The following RALYL variants were observed in gnomAD, a reference collection of about 807,000 sequenced individuals.
RALYL encodes RNA-binding Raly-like protein.
RALYL carries 29 observed loss-of-function variants against 35.1 expected under a neutral mutation model. The ratio of observed to expected loss-of-function variants is 0.83; its 90% confidence interval spans 0.61 to 1.13. RALYL has a LOEUF of 1.13. RALYL is among the 50% of genes most tolerant of loss of function. The pLI is 0.00. For missense variants in RALYL, 359 were observed against 360.4 expected, an observed-to-expected ratio of 1.00 and a Z score of 0.03; for synonymous variants, 120 against 127.6, an observed-to-expected ratio of 0.94 and a Z score of 0.40.
chr8:84,583,693 G>A, intron 2 of RALYL, among the ~76,000 whole-genome samples: 1 of 152,104 alleles, frequency 6.6e-6, no homozygotes, highest in East Asian at 1.9e-4. Flanking sequence ...GAGTGAAGGA[G>A]ACATCCCTGC....
At chr8:84,305,080 TAC>T (rs549467974) in intron 1 of RALYL, among the ~76,000 whole-genome samples, 9 of 152,266 alleles carry the variant, frequency 5.9e-5, no homozygotes, top group Non-Finnish European at 8.8e-5. Context: ...TAAAATAGAA[TAC>T]AGTTTTATTT....
intron 1 of RALYL, among the ~76,000 whole-genome samples, chr8:84,521,448 A>G (rs2058452523): frequency 6.6e-6 from 1 of 152,190 alleles, no homozygotes; most frequent in Non-Finnish European, 1.5e-5. Flanking sequence ...TCCATTGGTT[A>G]TTTATTCTCT....
intron 1 of RALYL, among the ~76,000 whole-genome samples, chr8:84,486,877 G>A (rs2054686660): frequency 6.6e-6 from 1 of 152,040 alleles, no homozygotes; most frequent in African/African-American, 2.4e-5. Context: ...GTACTCTACA[G>A]AATTGTTAAT....
At chr8:84,691,910 T>C (rs1402232593) in intron 2 of RALYL, among the ~76,000 whole-genome samples, 1 of 152,068 alleles carries the variant, frequency 6.6e-6, no homozygotes, top group Admixed American at 6.6e-5. Context: ...CATGATCACA[T>C]TGGGTTTATT....
chr8:84,519,218 TAC>T (rs1377554223), intron 1 of RALYL, among the ~76,000 whole-genome samples: 1 of 152,238 alleles, frequency 6.6e-6, no homozygotes, highest in Non-Finnish European at 1.5e-5. Context: ...ATATGTCATA[TAC>T]TCTATTTTAC....
intron 1 of RALYL, among the ~76,000 whole-genome samples, chr8:84,435,735 C>T (rs749999441): frequency 1.3e-5 from 2 of 152,096 alleles, no homozygotes; most frequent in Non-Finnish European, 2.9e-5. Flanking sequence ...TAAGGCCAGC[C>T]TCTCTTTCCT....
At chr8:84,499,420 G>A (rs1005282557) in intron 1 of RALYL, among the ~76,000 whole-genome samples, 1 of 152,088 alleles carries the variant, frequency 6.6e-6, no homozygotes, top group Non-Finnish European at 1.5e-5. Flanking sequence ...AACAAAATGG[G>A]AAACATCGAA....
chr8:84,891,471 G>A (rs955575274), intron 8 of RALYL, among the ~76,000 whole-genome samples: 3 of 152,152 alleles, frequency 2.0e-5, no homozygotes, highest in African/African-American at 7.2e-5. Flanking sequence ...TAACCATACA[G>A]TCATGGCAAT....
intron 1 of RALYL, among the ~76,000 whole-genome samples, chr8:84,502,011 T>C (rs1386147128): frequency 6.6e-6 from 1 of 151,650 alleles, no homozygotes; most frequent in African/African-American, 2.4e-5. Context: ...AAGGTGTAGA[T>C]TTTTTTCACA....
intron 4 of RALYL, among the ~76,000 whole-genome samples, chr8:84,839,145 G>A (rs1832651075): frequency 6.6e-6 from 1 of 152,184 alleles, no homozygotes; most frequent in Non-Finnish European, 1.5e-5. Context: ...GCAGCGCACT[G>A]AGTGTGAGCC....
chr8:84,537,563 G>C (rs1014944522), intron 2 of RALYL, among the ~76,000 whole-genome samples: 10 of 151,562 alleles, frequency 6.6e-5, no homozygotes, highest in African/African-American at 2.4e-4. Flanking sequence ...TTACTTACGA[G>C]ATGGTATTCA....
intron 1 of RALYL, among the ~76,000 whole-genome samples, chr8:84,453,898 T>C (rs999805635): frequency 8.6e-5 from 13 of 151,972 alleles, no homozygotes; most frequent in Non-Finnish European, 1.5e-5. Context: ...TTTGCAAAAT[T>C]GGGTACTATT....
At chr8:84,579,003 C>T (rs1334540867) in intron 2 of RALYL, among the ~76,000 whole-genome samples, 1 of 152,180 alleles carries the variant, frequency 6.6e-6, no homozygotes, top group African/African-American at 2.4e-5. Context: ...GGGGCTTCAC[C>T]AGGGACCACC....
intron 4 of RALYL, among the ~76,000 whole-genome samples, chr8:84,835,809 GT>G (rs1831904211): frequency 6.6e-6 from 1 of 151,848 alleles, no homozygotes; most frequent in East Asian, 1.9e-4. Flanking sequence ...GCAAAAGATT[GT>G]GTCAAGATAC....
intron 1 of RALYL, among the ~76,000 whole-genome samples, chr8:84,207,548 T>G (rs561460702): frequency 6.6e-6 from 1 of 151,852 alleles, no homozygotes; most frequent in African/African-American, 2.4e-5. Flanking sequence ...AGAATCATGG[T>G]TGCTTGGGAA....
At chr8:84,502,570 T>TA in intron 1 of RALYL, among the ~76,000 whole-genome samples, 1 of 152,176 alleles carries the variant, frequency 6.6e-6, no homozygotes, top group East Asian at 1.9e-4. Context: ...GGTTTCTTTG[T>TA]AAAAAGATGA....
At chr8:84,794,295 C>T (rs1174162549) in intron 3 of RALYL, among the ~76,000 whole-genome samples, 3 of 152,188 alleles carry the variant, frequency 2.0e-5, no homozygotes, top group Non-Finnish European at 4.4e-5. Flanking sequence ...TAAATGGCAT[C>T]GGCATTCTGC....
At chr8:84,429,599 G>A (rs557332102) in intron 1 of RALYL, among the ~76,000 whole-genome samples, 4 of 151,756 alleles carry the variant, frequency 2.6e-5, no homozygotes, top group Admixed American at 6.6e-5. Context: ...TTATTTCTGC[G>A]GTGGTTGACT....
chr8:84,831,529 A>C (rs1830923004), intron 4 of RALYL, among the ~76,000 whole-genome samples: 1 of 152,196 alleles, frequency 6.6e-6, no homozygotes, highest in African/African-American at 2.4e-5. Flanking sequence ...CCTGTTTTAC[A>C]AACGTATGTT....
Sources: gnomAD v4.1 joint callset for allele counts (sites outside exome capture counted in the v4.1 genomes callset) on GRCh38, gnomAD v4.1.1 for gene constraint, MANE v1.5 for transcripts, NCBI Gene and HGNC (gene_info 2026-07-23, HGNC 2026-07-21) for gene names.